UBE2H: variants seen among roughly 807,000 people sequenced by gnomAD.
The protein encoded by UBE2H is ubiquitin conjugating enzyme E2 H, also known as ubiquitin-conjugating enzyme E2 H.
In UBE2H, 3 loss-of-function variants were observed where a neutral mutation model predicts 29.0. The observed-to-expected ratio is 0.10, with a 90% CI of 0.05 to 0.27. UBE2H has a LOEUF of 0.27. Ranked by LOEUF, UBE2H falls within the 10% of genes least tolerant of loss-of-function variation. The probability of loss-of-function intolerance (pLI) is 1.00; values close to 1 mark genes in which losing one functional copy is unlikely to be tolerated. For missense variants in UBE2H, 68 were observed against 228.2 expected, an observed-to-expected ratio of 0.30 and a Z score of 4.52; for synonymous variants, 69 against 82.9, an observed-to-expected ratio of 0.83 and a Z score of 0.91.
intron 1 of UBE2H, among the ~76,000 whole-genome samples, chr7:129,921,202 C>A (rs867293124): frequency 2.6e-5 from 4 of 152,080 alleles, no homozygotes; most frequent in Admixed American, 6.5e-5. Context: ...CTGATCTTTA[C>A]TCTTGAGGGT....
intron 3 of UBE2H, among the ~76,000 whole-genome samples, chr7:129,872,017 T>A (rs941584935): frequency 2.0e-4 from 31 of 151,966 alleles, no homozygotes; most frequent in African/African-American, 5.8e-4. Flanking sequence ...CGGCTACTTT[T>A]TATATATATA....
At chr7:129,908,862 G>A (rs1806873085) in intron 1 of UBE2H, among the ~76,000 whole-genome samples, 2 of 152,112 alleles carry the variant, frequency 1.3e-5, no homozygotes, top group Non-Finnish European at 2.9e-5. Flanking sequence ...TAAGGCAGGA[G>A]GTATAGAATG....
rs761277712 is a variant in UBE2H, at chr7:129,857,504, A to G, written c.298+7T>C. On this transcript the variant is annotated splice_region_variant and intron_variant, in intron 5 of 6. Coordinates refer to ENST00000355621, the MANE Select transcript of UBE2H (RefSeq NM_003344.4). Reference sequence around the variant, plus strand: ...ATCTCCAAAAAATATTCCATGGCCAAACTCACCATAGAGAGCTGTCCAAGT... The same window carrying G: ...ATCTCCAAAAAATATTCCATGGCCAGACTCACCATAGAGAGCTGTCCAAGT... 3.1e-6 allele frequency: 5 copies of G among 1,605,846 alleles called. No individual in the cohort carries two copies. The East Asian group carries it at 6.8e-5, about 22-fold the overall frequency.
intron 3 of UBE2H, among the ~76,000 whole-genome samples, chr7:129,866,254 T>A (rs1007141744): frequency 6.6e-6 from 1 of 152,236 alleles, no homozygotes; most frequent in African/African-American, 2.4e-5. Flanking sequence ...CTTTTCTGTT[T>A]CTTCCTTTCT....
chr7:129,835,512 C>T (rs541809213), intron 6 of UBE2H, among the ~76,000 whole-genome samples: 5 of 152,238 alleles, frequency 3.3e-5, no homozygotes, highest in African/African-American at 9.6e-5. Context: ...TTTTAGGAAT[C>T]GATTTTAGTC....
At chr7:129,933,523 C>T (rs868138688) in intron 1 of UBE2H, among the ~76,000 whole-genome samples, 10 of 152,152 alleles carry the variant, frequency 6.6e-5, no homozygotes, top group Non-Finnish European at 7.4e-5. Flanking sequence ...ACAATCTCAA[C>T]CATCTGAAAA....
chr7:129,866,853 G>T (rs574052959), intron 3 of UBE2H, among the ~76,000 whole-genome samples: 1 of 152,068 alleles, frequency 6.6e-6, no homozygotes, highest in Non-Finnish European at 1.5e-5. Context: ...CTAAAACTAG[G>T]TTAAATAATG....
At chr7:129,882,535 T>C (rs2631603) in intron 1 of UBE2H, among the ~76,000 whole-genome samples, 98,356 of 152,104 alleles carry the variant, frequency 0.65, 32,824 homozygotes, top group East Asian at 0.88. Flanking sequence ...GAGCCCTGAG[T>C]ATCCACAAGA....
intron 1 of UBE2H, among the ~76,000 whole-genome samples, chr7:129,923,353 T>C (rs1275838775): frequency 6.6e-6 from 1 of 152,212 alleles, no homozygotes; most frequent in Non-Finnish European, 1.5e-5. Flanking sequence ...GTCATATCCA[T>C]GTTAAAGGCC....
At chr7:129,902,591 G>A (rs953178050) in intron 1 of UBE2H, among the ~76,000 whole-genome samples, 1 of 152,194 alleles carries the variant, frequency 6.6e-6, no homozygotes, top group Non-Finnish European at 1.5e-5. Context: ...TGGGTTTGAG[G>A]CCCATCTCCC....
chr7:129,930,310 C>T (rs1359368352), intron 1 of UBE2H, among the ~76,000 whole-genome samples: 2 of 152,134 alleles, frequency 1.3e-5, no homozygotes, highest in East Asian at 2.0e-4. Context: ...TACAGGCATG[C>T]GCCACCATGA....
chr7:129,860,933 T>A (rs1312241446), intron 3 of UBE2H, among the ~76,000 whole-genome samples: 1 of 152,124 alleles, frequency 6.6e-6, no homozygotes, highest in Non-Finnish European at 1.5e-5. Flanking sequence ...TAAAAATGAC[T>A]TTATCTGGCC....
intron 3 of UBE2H, among the ~76,000 whole-genome samples, chr7:129,873,330 T>G (rs1806081116): frequency 6.6e-6 from 1 of 152,028 alleles, no homozygotes; most frequent in African/African-American, 2.4e-5. Flanking sequence ...GCTCAGAGTA[T>G]TTTAACTATT....
intron 5 of UBE2H, among the ~76,000 whole-genome samples, chr7:129,850,584 G>A (rs751912207): frequency 2.6e-5 from 4 of 152,140 alleles, no homozygotes; most frequent in East Asian, 1.9e-4. Flanking sequence ...TTGGGAGGCC[G>A]AGGCAGGTGG....
At chr7:129,941,876 C>CT (rs1243021959) in intron 1 of UBE2H, among the ~76,000 whole-genome samples, 1 of 152,058 alleles carries the variant, frequency 6.6e-6, no homozygotes, top group Non-Finnish European at 1.5e-5. Flanking sequence ...TCAAATAACT[C>CT]TTAAGATGCC....
Position 129,858,293 on chromosome 7 carries a change from T to C in UBE2H, c.245+609A>G, listed in dbSNP as rs562862939. ...CTAAGGGGCATGATGTATGTATATATACAACCTACTCACACAGAGTGCAGA... is the reference window on the plus strand; with the variant it reads ...CTAAGGGGCATGATGTATGTATATACACAACCTACTCACACAGAGTGCAGA... On this transcript the variant is annotated intron_variant, in intron 4 of 6. Transcript: ENST00000355621. Among the ~76,000 whole-genome samples the C allele has an allele frequency of 1.2e-4, 18 of 152,292 alleles. No homozygotes were observed. The South Asian group carries it at 3.1e-3, about 26-fold the overall frequency.
chr7:129,860,445 A>G (rs1382872958), intron 3 of UBE2H, among the ~76,000 whole-genome samples: 1 of 152,244 alleles, frequency 6.6e-6, no homozygotes, highest in African/African-American at 2.4e-5. Flanking sequence ...AATAATGGGA[A>G]ATGTTCATGT....
chr7:129,948,140 A>T (rs1324272474), intron 1 of UBE2H, among the ~76,000 whole-genome samples: 1 of 151,590 alleles, frequency 6.6e-6, no homozygotes, highest in Non-Finnish European at 1.5e-5. Flanking sequence ...GATTACAGGC[A>T]TAAGCCACTG....
At chr7:129,887,483 G>C (rs928549890) in intron 1 of UBE2H, among the ~76,000 whole-genome samples, 1 of 152,062 alleles carries the variant, frequency 6.6e-6, no homozygotes, top group African/African-American at 2.4e-5. Flanking sequence ...GCCTCCCAAA[G>C]TGTTGGGATT....
Sources: gnomAD v4.1 joint callset for allele counts (sites outside exome capture counted in the v4.1 genomes callset) on GRCh38, gnomAD v4.1.1 for gene constraint, MANE v1.5 for transcripts, NCBI Gene and HGNC (gene_info 2026-07-23, HGNC 2026-07-21) for gene names.